The following VAT1L variants were observed in gnomAD, a reference collection of about 807,000 sequenced individuals.
The protein encoded by VAT1L is putative NADPH-dependent quinone oxidoreductase VAT1L.
Under a neutral mutation model 44.1 loss-of-function variants are expected in VAT1L, and 34 were observed. The ratio of observed to expected loss-of-function variants is 0.77; its 90% CI spans 0.59 to 1.03. The LOEUF is 1.03. Among genes scored for constraint, VAT1L ranks in the 50% least tolerant of loss-of-function variants. The pLI, the probability that VAT1L is intolerant of heterozygous loss-of-function variation, is 0.00. For synonymous variants in VAT1L, 253 were observed against 202.2 expected, an observed-to-expected ratio of 1.25 and a Z score of -2.13; for missense variants, 615 against 538.8, an observed-to-expected ratio of 1.14 and a Z score of -1.40.
intron 7 of VAT1L, among the ~76,000 whole-genome samples, chr16:77,935,677 G>C (rs1205155490): frequency 3.9e-5 from 6 of 152,056 alleles, no homozygotes; most frequent in African/African-American, 1.2e-4. Context: ...GTTCAGACTG[G>C]TTGGATCGTG....
In VAT1L at chr16:77,902,972, GAAAA is replaced by G. The variant is rs11307214; in HGVS notation, c.1077+18185_1077+18188del. On this transcript the variant is annotated intron_variant, in intron 7 of 8. Transcript: ENST00000302536. The stretch of plus-strand genomic sequence containing the variant: ...TGGGCCACAGAGGGAGACTCTGTCT[GAAAA>G]AAAAAAAAAAAAAAGAAAGAAAAAA... 4.2e-5 allele frequency among the ~76,000 whole-genome samples: 4 copies of G among 96,384 alleles called. No homozygotes were observed. In the East Asian group the frequency reaches 8.2e-4, roughly 20 times the overall value. The allele number at this position is 96,384 out of a possible 152,430, so 63.2% of individuals were successfully genotyped here. A position where few individuals can be genotyped will look rare whatever the true frequency, so the allele number is the denominator to read the frequency against.
chr16:77,850,802 G>C (rs2016801553), intron 3 of VAT1L, among the ~76,000 whole-genome samples: 1 of 152,166 alleles, frequency 6.6e-6, no homozygotes, highest in Non-Finnish European at 1.5e-5. Context: ...GCACTACATG[G>C]AAGGCAGCCA....
chr16:77,836,680 A>G (rs969671336), intron 3 of VAT1L, among the ~76,000 whole-genome samples: 1 of 152,200 alleles, frequency 6.6e-6, no homozygotes, highest in Non-Finnish European at 1.5e-5. Flanking sequence ...CTTAGGTTAA[A>G]AATATGTAAA....
At chr16:77,874,105 AG>A (rs1431129795) in intron 4 of VAT1L, among the ~76,000 whole-genome samples, 1 of 152,112 alleles carries the variant, frequency 6.6e-6, no homozygotes, top group African/African-American at 2.4e-5. Flanking sequence ...GGGGCATCAG[AG>A]GACAAAAATT....
chr16:77,848,053 T>C (rs1183593314), intron 3 of VAT1L, among the ~76,000 whole-genome samples: 3 of 151,948 alleles, frequency 2.0e-5, no homozygotes. Flanking sequence ...AAAGAGAAGA[T>C]CCACGGTGCA....
chr16:77,833,596 CA>C (rs1167010659), intron 3 of VAT1L, among the ~76,000 whole-genome samples: 1 of 151,768 alleles, frequency 6.6e-6, no homozygotes, highest in Non-Finnish European at 1.5e-5. Flanking sequence ...ACTACAAATA[CA>C]AAAATTAGCT....
intron 3 of VAT1L, among the ~76,000 whole-genome samples, chr16:77,852,464 C>T (rs920502671): frequency 6.6e-6 from 1 of 152,176 alleles, no homozygotes; most frequent in Non-Finnish European, 1.5e-5. Flanking sequence ...CAGATCACTT[C>T]ACGAACATGT....
In VAT1L at chr16:77,971,774, G is replaced by C. The variant is rs1207977570; in HGVS notation, c.1078-76G>C. On this transcript the variant is annotated intron_variant, in intron 7 of 8. Transcript: ENST00000302536. ...CCCTCTGGTGGTCACTTGACAGTTTGAGTTCTCCAGGCCCCCTTTTTAACT... is the reference window on the plus strand; with the variant it reads ...CCCTCTGGTGGTCACTTGACAGTTTCAGTTCTCCAGGCCCCCTTTTTAACT... 9 of 1,482,774 alleles carry C rather than the reference G, an allele frequency of 6.1e-6. No individual in the cohort carries two copies. In the African/African-American group the frequency reaches 9.8e-5, roughly 16 times the overall value. 91.9% of individuals were successfully genotyped at this position (1,482,774 alleles called of 1,614,324 possible).
chr16:77,970,464 G>T lies in VAT1L; in HGVS notation c.1078-1386G>T, dbSNP rs887974801. Reference sequence around the variant, plus strand: ...AGATTAAAACATTTTAAATATGCATGTCAGTTCTCATTTAGCAATATTACA... The same window carrying T: ...AGATTAAAACATTTTAAATATGCATTTCAGTTCTCATTTAGCAATATTACA... On this transcript the variant is annotated intron_variant, in intron 7 of 8. Transcript: ENST00000302536. Among the ~76,000 whole-genome samples the T allele has an allele frequency of 9.9e-5, 15 of 152,246 alleles. No homozygotes were observed. The East Asian group carries it at 2.9e-3, about 29-fold the overall frequency.
At chr16:77,943,424 G>A (rs2017916605) in intron 7 of VAT1L, among the ~76,000 whole-genome samples, 1 of 135,100 alleles carries the variant, frequency 7.4e-6, no homozygotes. Context: ...CTGTCTCCCA[G>A]GCTGGACTGT....
At chr16:77,929,721 T>G (rs1409967398) in intron 7 of VAT1L, among the ~76,000 whole-genome samples, 1 of 152,180 alleles carries the variant, frequency 6.6e-6, no homozygotes, top group Non-Finnish European at 1.5e-5. Flanking sequence ...CAAGGTGACA[T>G]GAGGTAGGTG....
chr16:77,876,569 G>T, intron 5 of VAT1L, 96 bp downstream of exon 5: 1 of 1,061,090 alleles, frequency 9.4e-7, no homozygotes, highest in Non-Finnish European at 1.4e-6. Context: ...CTGATATGTT[G>T]GGGTAGTGGG....
At chr16:77,914,941 C>A (rs906502343) in intron 7 of VAT1L, among the ~76,000 whole-genome samples, 1 of 152,164 alleles carries the variant, frequency 6.6e-6, no homozygotes, top group East Asian at 1.9e-4. Flanking sequence ...GCCTGACCAA[C>A]ATGGAGAAAC....
chr16:77,885,279 T>A (rs933083231), intron 7 of VAT1L, among the ~76,000 whole-genome samples: 1 of 152,110 alleles, frequency 6.6e-6, no homozygotes, highest in African/African-American at 2.4e-5. Context: ...GGGTCTAAAG[T>A]TGGATTGAGT....
intron 7 of VAT1L, among the ~76,000 whole-genome samples, chr16:77,914,864 G>A (rs535840304): frequency 6.1e-4 from 93 of 152,324 alleles, no homozygotes; most frequent in African/African-American, 2.1e-3. Flanking sequence ...GGTGGTTCAC[G>A]CCTGTAATCC....
At chr16:77,927,390 G>A (rs1303521144) in intron 7 of VAT1L, among the ~76,000 whole-genome samples, 2 of 150,692 alleles carry the variant, frequency 1.3e-5, no homozygotes, top group Non-Finnish European at 2.9e-5. Context: ...GAGTACTACT[G>A]TTGTCCCTAC....
At chr16:77,826,479 A>T (rs915754160) in intron 3 of VAT1L, among the ~76,000 whole-genome samples, 1 of 152,226 alleles carries the variant, frequency 6.6e-6, no homozygotes, top group Admixed American at 6.5e-5. Flanking sequence ...AATCATACAT[A>T]AACCTAAGTA....
chr16:77,805,643 T>C (rs1287910175), intron 1 of VAT1L, among the ~76,000 whole-genome samples: 2 of 151,126 alleles, frequency 1.3e-5, no homozygotes, highest in African/African-American at 4.9e-5. Context: ...GCAGGACTGG[T>C]TAAAGTTCCG....
At chr16:77,820,917 C>T (rs942767747) in intron 2 of VAT1L, among the ~76,000 whole-genome samples, 3 of 152,210 alleles carry the variant, frequency 2.0e-5, no homozygotes, top group Admixed American at 6.5e-5. Flanking sequence ...TTCCCTGCCC[C>T]AGCAGTCCCT....
Sources: allele counts gnomAD v4.1 joint callset (sites outside exome capture counted in the v4.1 genomes callset), GRCh38; gene constraint gnomAD v4.1.1; transcripts MANE v1.5; gene names NCBI Gene and HGNC (gene_info 2026-07-23, HGNC 2026-07-21).